Variants in KCTD16 observed in about 807,000 individuals in gnomAD.
KCTD16 encodes potassium channel tetramerization domain containing 16.
Under a neutral mutation model 33.2 loss-of-function variants are expected in KCTD16, and 13 were observed. The ratio of observed to expected loss-of-function variants is 0.39; its 90% CI spans 0.25 to 0.62. The LOEUF is 0.62. Among genes scored for constraint, KCTD16 ranks in the 20% least tolerant of loss-of-function variants. KCTD16 has a pLI of 0.50. For synonymous variants in KCTD16, 197 were observed against 195.3 expected (o/e 1.01, Z -0.07); for missense variants, 441 against 525.1 (o/e 0.84, Z 1.57).
At chr5:144,298,938 G>C (rs1465170591) in intron 3 of KCTD16, among the ~76,000 whole-genome samples, 2 of 147,202 alleles carry the variant, frequency 1.4e-5, no homozygotes, top group Non-Finnish European at 3.0e-5. Context: ...CTTTCACCCA[G>C]TATCCTGATC....
chr5:144,370,094 G>T lies in KCTD16; in HGVS notation c.833-103566G>T, dbSNP rs184280429. Among the ~76,000 whole-genome samples, 28 of 152,206 alleles carry T rather than the reference G, an allele frequency of 1.8e-4. No homozygotes were observed. The East Asian group carries it at 4.4e-3, about 24-fold the overall frequency. ...GGCAGTTTGTGGGTGCTGGGAATCT[G>T]GGAATCTCTGCTTTAATGTGACTTC... On this transcript the variant is annotated intron_variant, in intron 3 of 3. Transcript: ENST00000512467.
chr5:144,437,198 G>T (rs1580964032), intron 3 of KCTD16, among the ~76,000 whole-genome samples: 1 of 152,110 alleles, frequency 6.6e-6, no homozygotes, highest in East Asian at 1.9e-4. Context: ...TTTTGCATTT[G>T]CATCATCTCC....
chr5:144,238,147 G>C (rs1451447541), intron 3 of KCTD16, among the ~76,000 whole-genome samples: 1 of 152,184 alleles, frequency 6.6e-6, no homozygotes, highest in Non-Finnish European at 1.5e-5. Flanking sequence ...TGTGCAGCCA[G>C]ATGGCTATGG....
intron 3 of KCTD16, among the ~76,000 whole-genome samples, chr5:144,447,855 C>T (rs1003503984): frequency 3.9e-5 from 6 of 152,014 alleles, no homozygotes; most frequent in African/African-American, 1.4e-4. Context: ...CCCAACTTTG[C>T]TCTCTATTGG....
chr5:144,464,442 A>G (rs962207345), intron 3 of KCTD16, among the ~76,000 whole-genome samples: 1 of 152,202 alleles, frequency 6.6e-6, no homozygotes, highest in Non-Finnish European at 1.5e-5. Context: ...AGTAGCCTCA[A>G]CTGAGGAGGG....
intron 3 of KCTD16, among the ~76,000 whole-genome samples, chr5:144,455,286 A>T (rs1168588175): frequency 1.3e-5 from 2 of 150,334 alleles, no homozygotes; most frequent in Admixed American, 6.6e-5. Context: ...AGTGACAGAG[A>T]CTCCTCTGTG....
chr5:144,311,766 C>T (rs1198938596), intron 3 of KCTD16, among the ~76,000 whole-genome samples: 6 of 152,072 alleles, frequency 3.9e-5, no homozygotes, highest in African/African-American at 1.2e-4. Flanking sequence ...CCAAAAGTAG[C>T]AAAACGATAC....
chr5:144,226,401 C>T (rs1753931995), intron 3 of KCTD16, among the ~76,000 whole-genome samples: 1 of 152,110 alleles, frequency 6.6e-6, no homozygotes, highest in South Asian at 2.1e-4. Flanking sequence ...CTGGGTTATC[C>T]ATAGACTACA....
chr5:144,175,850 A>G (rs1752495438), intron 2 of KCTD16, among the ~76,000 whole-genome samples: 1 of 152,238 alleles, frequency 6.6e-6, no homozygotes, highest in Non-Finnish European at 1.5e-5. Context: ...CTATGTAGCT[A>G]CAGAAGCAAT....
intron 3 of KCTD16, among the ~76,000 whole-genome samples, chr5:144,401,624 G>A (rs1013111621): frequency 4.6e-5 from 7 of 152,160 alleles, no homozygotes; most frequent in African/African-American, 1.7e-4. Context: ...ATGGATGTTT[G>A]CAATATTAGC....
At chr5:144,175,461 A>G (rs1320065793) in intron 2 of KCTD16, among the ~76,000 whole-genome samples, 1 of 152,248 alleles carries the variant, frequency 6.6e-6, no homozygotes. Context: ...GCAACTAGAC[A>G]TTTGATAATT....
At position 144,361,843 on chromosome 5, in the gene KCTD16, G is replaced by C. The variant is rs972810878; in HGVS notation, c.833-111817G>C. 4.6e-5 allele frequency among the ~76,000 whole-genome samples: 7 copies of C among 151,668 alleles called. 1 individual carries two copies. In the East Asian group the frequency reaches 7.7e-4, roughly 17 times the overall value. On this transcript the variant is annotated intron_variant, in intron 3 of 3. Coordinates refer to ENST00000512467, the MANE Select transcript of KCTD16 (RefSeq NM_020768.4). ...ATAAAATATTCAAAATATATGTAAA[G>C]TCTGGTCCCAAGAGAGTCACGTTTT...
chr5:144,332,326 C>G (rs1430868937), intron 3 of KCTD16, among the ~76,000 whole-genome samples: 1 of 152,034 alleles, frequency 6.6e-6, no homozygotes, highest in Non-Finnish European at 1.5e-5. Context: ...CGCAGGGGGC[C>G]TGGAGATTCT....
chr5:144,308,352 C>T (rs1007755768), intron 3 of KCTD16, among the ~76,000 whole-genome samples: 1 of 152,216 alleles, frequency 6.6e-6, no homozygotes, highest in African/African-American at 2.4e-5. Context: ...AGCGCTCATT[C>T]TGAGGTAATT....
chr5:144,228,324 G>A (rs1406835844), intron 3 of KCTD16, among the ~76,000 whole-genome samples: 3 of 152,214 alleles, frequency 2.0e-5, no homozygotes. Context: ...AATGCTTCAA[G>A]TGGGAGGGAA....
At chr5:144,411,169 G>T (rs535594549) in intron 3 of KCTD16, among the ~76,000 whole-genome samples, 1 of 152,126 alleles carries the variant, frequency 6.6e-6, no homozygotes, top group African/African-American at 2.4e-5. Flanking sequence ...ATTCTTCACA[G>T]AATTAGAAAA....
intron 3 of KCTD16, among the ~76,000 whole-genome samples, chr5:144,447,300 C>T (rs912321790): frequency 1.3e-5 from 2 of 152,098 alleles, no homozygotes; most frequent in Non-Finnish European, 2.9e-5. Flanking sequence ...AGCAAACTAA[C>T]ACAGGAACAG....
intron 3 of KCTD16, among the ~76,000 whole-genome samples, chr5:144,282,326 A>T (rs1233378677): frequency 1.3e-5 from 2 of 152,186 alleles, no homozygotes; most frequent in African/African-American, 4.8e-5. Flanking sequence ...GAGAGGGCAT[A>T]AAACTTCATG....
intron 3 of KCTD16, among the ~76,000 whole-genome samples, chr5:144,445,312 C>T (rs1753796781): frequency 1.3e-5 from 2 of 151,860 alleles, no homozygotes; most frequent in Non-Finnish European, 2.9e-5. Flanking sequence ...TCTCTAATTC[C>T]AATTTGTGTT....
Sources: allele counts gnomAD v4.1 joint callset (sites outside exome capture counted in the v4.1 genomes callset), GRCh38; gene constraint gnomAD v4.1.1; transcripts MANE v1.5; gene names NCBI Gene and HGNC (gene_info 2026-07-23, HGNC 2026-07-21).